Variants in DSCAM observed in about 807,000 individuals in gnomAD.
The protein encoded by DSCAM is DS cell adhesion molecule.
A neutral mutation model predicts 217.7 loss-of-function variants in DSCAM; 47 were observed. The observed-to-expected ratio is 0.22, with a 90% CI of 0.17 to 0.28. DSCAM has a LOEUF of 0.28. Among genes scored for constraint, DSCAM ranks in the 10% least tolerant of loss-of-function variants. DSCAM has a pLI of 1.00. For synonymous variants in DSCAM, 1,056 were observed against 1,015.3 expected, an observed-to-expected ratio of 1.04 and a Z score of -0.76; for missense variants, 2,080 against 2,618.3, an observed-to-expected ratio of 0.79 and a Z score of 4.49.
intron 4 of DSCAM, among the ~76,000 whole-genome samples, chr21:40,359,710 T>C (rs561723279): frequency 6.6e-6 from 1 of 152,316 alleles, no homozygotes; most frequent in African/African-American, 2.4e-5. Flanking sequence ...ACAAAATCCA[T>C]ATATCAATTT....
chr21:40,172,639 C>T (rs1395330525), intron 15 of DSCAM, among the ~76,000 whole-genome samples: 1 of 152,228 alleles, frequency 6.6e-6, no homozygotes, highest in Non-Finnish European at 1.5e-5. Context: ...GTCTCAATAT[C>T]TTGGCTTTAG....
At chr21:40,786,266 GAAGGA>G (rs1226772843) in intron 1 of DSCAM, among the ~76,000 whole-genome samples, 3 of 149,260 alleles carry the variant, frequency 2.0e-5, no homozygotes, top group Admixed American at 6.7e-5. Context: ...AGGAAGGAAG[GAAGGA>G]AAGAAAGAAA....
At chr21:40,355,010 GCA>G (rs1387609971) in intron 4 of DSCAM, among the ~76,000 whole-genome samples, 1 of 152,100 alleles carries the variant, frequency 6.6e-6, no homozygotes, top group Non-Finnish European at 1.5e-5. Flanking sequence ...GTGTAGACCA[GCA>G]CAGAGTTAGG....
intron 1 of DSCAM, among the ~76,000 whole-genome samples, chr21:40,816,289 G>A (rs1476614451): frequency 2.0e-5 from 3 of 152,094 alleles, no homozygotes; most frequent in South Asian, 2.1e-4. Context: ...TTGAGGTGTC[G>A]GGATGCTAGA....
At chr21:40,349,386 G>A (rs987548650) in intron 5 of DSCAM, among the ~76,000 whole-genome samples, 4 of 151,712 alleles carry the variant, frequency 2.6e-5, no homozygotes, top group African/African-American at 9.7e-5. Flanking sequence ...TTTAAAATGG[G>A]GCTGAGTGAT....
intron 1 of DSCAM, among the ~76,000 whole-genome samples, chr21:40,835,738 T>G (rs983164804): frequency 6.6e-6 from 1 of 152,148 alleles, no homozygotes; most frequent in African/African-American, 2.4e-5. Context: ...TTTAGGCCTC[T>G]CTCCAGCACA....
intron 3 of DSCAM, among the ~76,000 whole-genome samples, chr21:40,608,577 G>A (rs2089273249): frequency 6.6e-6 from 1 of 152,182 alleles, no homozygotes. Context: ...AGCACTTTTA[G>A]TGTGCTTGTA....
intron 1 of DSCAM, among the ~76,000 whole-genome samples, chr21:40,758,193 G>A (rs75350414): frequency 0.13 from 20,273 of 151,020 alleles, 1,396 homozygotes; most frequent in Middle Eastern, 0.17. Flanking sequence ...GGAGACCACC[G>A]TGCTCACACC....
At chr21:40,263,227 G>C (rs2073477983) in intron 11 of DSCAM, among the ~76,000 whole-genome samples, 1 of 152,042 alleles carries the variant, frequency 6.6e-6, no homozygotes, top group Non-Finnish European at 1.5e-5. Flanking sequence ...TAAAAAGGTG[G>C]GTCCCTCACA....
At position 40,125,975 on chromosome 21, in the gene DSCAM, G is replaced by A. The variant is rs1043090449; in HGVS notation, c.3563-1647C>T. Reference sequence around the variant, plus strand: ...GGACAGCTTCTCTTTAGGAGGCCAAGTAGTTTAGCACCAACCAGTTGAATG... The same window carrying A: ...GGACAGCTTCTCTTTAGGAGGCCAAATAGTTTAGCACCAACCAGTTGAATG... On this transcript the variant is annotated intron_variant, in intron 19 of 32. Coordinates refer to ENST00000400454, the MANE Select transcript of DSCAM (RefSeq NM_001389.5). Among the ~76,000 whole-genome samples, 5 of 152,206 alleles carry A rather than the reference G, an allele frequency of 3.3e-5. No homozygotes were observed. In the South Asian group the frequency reaches 6.2e-4, roughly 19 times the overall value.
intron 1 of DSCAM, among the ~76,000 whole-genome samples, chr21:40,714,368 A>C: frequency 6.6e-6 from 1 of 152,258 alleles, no homozygotes; most frequent in African/African-American, 2.4e-5. Flanking sequence ...CTGCTGGGTA[A>C]ACTGAGCCCA....
intron 1 of DSCAM, among the ~76,000 whole-genome samples, chr21:40,809,691 T>G (rs1027852302): frequency 6.6e-6 from 1 of 152,194 alleles, no homozygotes; most frequent in Admixed American, 6.5e-5. Context: ...ATTTTCATCT[T>G]TGTTATATTC....
At chr21:40,050,584 G>A (rs896184548) in intron 30 of DSCAM, among the ~76,000 whole-genome samples, 3 of 151,860 alleles carry the variant, frequency 2.0e-5, no homozygotes, top group African/African-American at 2.4e-5. Flanking sequence ...CCAGGTTCAC[G>A]CCATTCTCCT....
chr21:40,310,474 G>A (rs1429929136), intron 9 of DSCAM, among the ~76,000 whole-genome samples: 2 of 152,156 alleles, frequency 1.3e-5, no homozygotes, highest in African/African-American at 4.8e-5. Flanking sequence ...TTTAACTAAA[G>A]CTTATTTAAC....
At chr21:40,103,737 T>G (rs1320410964) in intron 20 of DSCAM, among the ~76,000 whole-genome samples, 2 of 151,254 alleles carry the variant, frequency 1.3e-5, no homozygotes, top group Non-Finnish European at 2.9e-5. Flanking sequence ...ACTATATACA[T>G]AGACTATTGG....
At chr21:40,246,295 T>A (rs75311375) in intron 11 of DSCAM, among the ~76,000 whole-genome samples, 2,108 of 117,544 alleles carry the variant, frequency 0.018, 25 homozygotes, top group Middle Eastern at 0.038. Context: ...GGCAGGTGAA[T>A]CAAATGAGGT....
chr21:40,191,114 A>T (rs1274159214), intron 11 of DSCAM, among the ~76,000 whole-genome samples: 1 of 152,196 alleles, frequency 6.6e-6, no homozygotes, highest in Non-Finnish European at 1.5e-5. Context: ...TTGACCATAG[A>T]AACACTGTGG....
intron 11 of DSCAM, among the ~76,000 whole-genome samples, chr21:40,229,171 T>C (rs901647658): frequency 6.6e-6 from 1 of 152,178 alleles, no homozygotes; most frequent in African/African-American, 2.4e-5. Flanking sequence ...TCAACCAGAG[T>C]GCAATGTTTA....
chr21:40,592,845 G>A (rs73902695), intron 3 of DSCAM, among the ~76,000 whole-genome samples: 132 of 152,216 alleles, frequency 8.7e-4, no homozygotes, highest in African/African-American at 1.9e-3. Flanking sequence ...GACACAGATC[G>A]AATTCTAACT....
Sources: gnomAD v4.1 joint callset for allele counts (sites outside exome capture counted in the v4.1 genomes callset) on GRCh38, gnomAD v4.1.1 for gene constraint, MANE v1.5 for transcripts, NCBI Gene and HGNC (gene_info 2026-07-23, HGNC 2026-07-21) for gene names.